Variants in DISP3 observed in about 807,000 individuals in gnomAD.
DISP3 encodes protein dispatched homolog 3.
DISP3 carries 101 observed loss-of-function variants against 135.3 expected under a neutral mutation model. The ratio of observed to expected loss-of-function variants is 0.75; its 90% confidence interval spans 0.64 to 0.88. The LOEUF is 0.88. Among genes scored for constraint, DISP3 ranks in the 40% least tolerant of loss-of-function variants. The pLI, the probability that DISP3 is intolerant of heterozygous loss-of-function variation, is 0.00. For missense variants in DISP3, 1,713 were observed against 1,878.6 expected (o/e 0.91, Z 1.63); for synonymous variants, 856 against 817.0 (o/e 1.05, Z -0.81).
chr1:11,495,347 C>T (rs11121759), intron 1 of DISP3, among the ~76,000 whole-genome samples: 73,453 of 151,950 alleles, frequency 0.48, 19,685 homozygotes, highest in East Asian at 0.73. Context: ...GCTGAGATCG[C>T]ACCATTGCAC....
chr1:11,517,443 C>G lies in DISP3; in HGVS notation c.1750-20C>G. 6.2e-7 allele frequency: 1 copy of G among 1,613,408 alleles called. No individual in the cohort carries two copies. Among genetic ancestry groups the G allele is most frequent in the African/African-American group, 1.3e-5 (1 of 75,064 alleles). ...CAGGTCCAACCTGTCCCACATCCCT[C>G]TCTTCCTTTCCATCACCAGATCCCA... is the stretch of plus-strand genomic sequence containing the variant. On this transcript the variant is annotated intron_variant, in intron 6 of 20. Transcript: ENST00000294484.
rs1477833416 is a variant in DISP3 at position 11,499,725 on chromosome 1, TTCGG to T, written c.-3-1262_-3-1259del. ...TCATCCCCCACCATTCCACTCTCCC[TTCGG>T]TCTCTCTCCTCTTTTCCTCTGTCTC... On this transcript the variant is annotated intron_variant, in intron 1 of 20. Transcript: ENST00000294484. The surrounding 1 kb of genome is among the most constrained non-coding windows in gnomAD (Gnocchi z 5.2). 6.9e-6 allele frequency among the ~76,000 whole-genome samples: 1 copy of T among 144,870 alleles called. No homozygotes were observed. Among genetic ancestry groups the T allele is most frequent in the African/African-American group, 2.8e-5 (1 of 35,620 alleles).
intron 15 of DISP3, 150 bp downstream of exon 15, chr1:11,530,109 C>T: frequency 1.8e-6 from 2 of 1,101,260 alleles, no homozygotes; most frequent in Admixed American, 5.8e-5. Flanking sequence ...CTATGGGCCC[C>T]TGGGGGTCCG....
chr1:11,522,904 GCCCAGCCAGGACCCAGCAAGGA>G (rs1642281496), intron 10 of DISP3, among the ~76,000 whole-genome samples: 28 of 24,002 alleles, frequency 1.2e-3, no homozygotes, highest in African/African-American at 3.1e-3. Flanking sequence ...CCCAGCCAGA[GCCCAGCCAGGACCCAGCAAGGA>G]CCCAGCCAGG....
chr1:11,536,294 C>A lies in DISP3; in HGVS notation c.3817-30C>A, dbSNP rs374219863. ...TGGCCAGAGGGGTCCCGCAGGCAGG[C>A]TGGGCTCCCAGCTCTCCTCTTGCCC... On this transcript the variant is annotated intron_variant, in intron 20 of 20. Coordinates refer to ENST00000294484, the MANE Select transcript of DISP3 (RefSeq NM_020780.2). This position sits in a 1 kb window ranked among gnomAD's most constrained non-coding sequence, Gnocchi z 4.3. The A allele has an allele frequency of 1.6e-5, 26 of 1,579,968 alleles. No individual in the cohort carries two copies. In the African/African-American group the frequency reaches 2.3e-4, roughly 14 times the overall value.
chr1:11,506,544 T>C (rs1452635941), intron 3 of DISP3, among the ~76,000 whole-genome samples: 3 of 152,210 alleles, frequency 2.0e-5, no homozygotes, highest in African/African-American at 7.2e-5. Flanking sequence ...TTTAATGTTA[T>C]TGTTCGGTTT....
rs796562813 is a variant in DISP3, at chr1:11,491,766, C to T, written c.-3-9224C>T. Among the ~76,000 whole-genome samples, 18 of 152,222 alleles carry T rather than the reference C, an allele frequency of 1.2e-4. No homozygotes were observed. Among genetic ancestry groups the T allele is most frequent in the African/African-American group, 4.1e-4 (17 of 41,520 alleles). ...CTTTGGGGCAGAGAATAAGGGAGTC[C>T]GCTCCAGTTGACTTGGGGACCTGCC... On this transcript the variant is annotated intron_variant, in intron 1 of 20. Transcript: ENST00000294484. The surrounding 1 kb of genome is among the most constrained non-coding windows in gnomAD (Gnocchi z 4.3).
At position 11,520,621 on chromosome 1, in the gene DISP3, T is replaced by C. The variant is rs978692477; in HGVS notation, c.2201-66T>C. 1 of 1,549,098 alleles carries C rather than the reference T, an allele frequency of 6.5e-7. No homozygotes were observed. On this transcript the variant is annotated intron_variant, in intron 9 of 20. Coordinates refer to ENST00000294484, the MANE Select transcript of DISP3 (RefSeq NM_020780.2). The surrounding 1 kb of genome is among the most constrained non-coding windows in gnomAD (Gnocchi z 4.8). Reference sequence around the variant, plus strand: ...CCAGAGCAGTTGTCTCCCGGCACTTTGGAGCCCCACTGGGAACAGACCAGC... The same window carrying C: ...CCAGAGCAGTTGTCTCCCGGCACTTCGGAGCCCCACTGGGAACAGACCAGC...
intron 1 of DISP3, among the ~76,000 whole-genome samples, chr1:11,487,952 C>T (rs537205698): frequency 6.6e-6 from 1 of 152,312 alleles, no homozygotes; most frequent in Non-Finnish European, 1.5e-5. Flanking sequence ...GTGTCCTGGC[C>T]CTCTATCATG....
rs1296295741 is a variant in DISP3 at position 11,519,782 on chromosome 1, C to T, written c.2102C>T (p.Ser701Phe). The T allele has an allele frequency of 6.2e-7, 1 of 1,613,132 alleles. No homozygotes were observed. The highest frequency in any genetic ancestry group is 8.5e-7 in the Non-Finnish European group (1 of 1,180,014). ...TCCCCCGAGGGTCTGCAGCCAGCCTCCAACACGGGCAGCCGCGGCCATCTC... is the reference window on the plus strand; with the variant it reads ...TCCCCCGAGGGTCTGCAGCCAGCCTTCAACACGGGCAGCCGCGGCCATCTC... Reference protein sequence around the residue: ...SVSPEGLQPASNTGSRGHLIV... With the variant: ...SVSPEGLQPAFNTGSRGHLIV... The change falls in exon 9 of 21, where the codon TCC becomes TTC. Residue 701 changes from serine (S) to phenylalanine (F), a missense_variant. By Grantham distance (155) the Ser-to-Phe change is radical. Coordinates refer to ENST00000294484, the MANE Select transcript of DISP3 (RefSeq NM_020780.2). The surrounding 1 kb of genome is among the most constrained non-coding windows in gnomAD (Gnocchi z 4.3).
intron 1 of DISP3, among the ~76,000 whole-genome samples, chr1:11,496,121 T>TC (rs1641324639): frequency 6.6e-6 from 1 of 152,152 alleles, no homozygotes; most frequent in South Asian, 2.1e-4. Context: ...GTTTTTTTTT[T>TC]CTGTTATAAA....
rs980820393 is a variant in DISP3, at chr1:11,537,358, G to A, written c.*672G>A. On this transcript the variant is annotated 3_prime_UTR_variant, in exon 21 of 21. Coordinates refer to ENST00000294484, the MANE Select transcript of DISP3 (RefSeq NM_020780.2). ...TCTGCATGTCCTACCCCTGACCCCA[G>A]CCTCAAGGGGCCCCTCAAAGGCCCT... 10 of 152,262 alleles carry A rather than the reference G, an allele frequency of 6.6e-5. No individual in the cohort carries two copies. Among genetic ancestry groups the A allele is most frequent in the African/African-American group, 2.4e-4 (10 of 41,578 alleles). 9.4% of individuals were successfully genotyped at this position (152,262 alleles called of 1,614,324 possible).
rs1160140767 is a variant in DISP3, at chr1:11,501,117, G to A, written c.125G>A (p.Gly42Glu). 6.2e-7 allele frequency: 1 copy of A among 1,613,998 alleles called. No individual in the cohort carries two copies. Among genetic ancestry groups the A allele is most frequent in the Admixed American group, 1.7e-5 (1 of 60,026 alleles). Residue 42 changes from glycine to glutamate, a missense_variant, in exon 2 of 21, where the codon GGA (glycine) becomes GAA (glutamate). Gly to Glu is a moderately conservative substitution (Grantham distance 98). Coordinates refer to ENST00000294484, the MANE Select transcript of DISP3 (RefSeq NM_020780.2). The surrounding 1 kb of genome is among the most constrained non-coding windows in gnomAD (Gnocchi z 4.9). ...QKPGPQPGAG[G>E]QCCWRHWPLA... is the part of the protein sequence containing the mutation. ...CCAGGGCCCCAACCTGGGGCAGGGG[G>A]ACAGTGTTGCTGGCGGCACTGGCCC...
rs139861155 is a variant in DISP3, at chr1:11,520,167, G to A, written c.2200+287G>A. Among the ~76,000 whole-genome samples the A allele has an allele frequency of 2.6e-4, 40 of 152,144 alleles. No individual in the cohort carries two copies. Among genetic ancestry groups the A allele is most frequent in the Admixed American group, 5.2e-4 (8 of 15,296 alleles). On this transcript the variant is annotated intron_variant, in intron 9 of 20. Coordinates refer to ENST00000294484, the MANE Select transcript of DISP3 (RefSeq NM_020780.2). This position sits in a 1 kb window ranked among gnomAD's most constrained non-coding sequence, Gnocchi z 4.8. ...CTTGAGTCTGAGTCCCAGTTTGGCC[G>A]CGTCCTAGCTGTGTGAATTTGGCTA...
Position 11,519,349 on chromosome 1 carries a change from C to T in DISP3, c.1890-6C>T, listed in dbSNP as rs1642104499. The T allele has an allele frequency of 6.2e-7, 1 of 1,613,504 alleles. No individual in the cohort carries two copies. The highest frequency in any genetic ancestry group is 8.5e-7 in the Non-Finnish European group (1 of 1,179,850). ...GGTTCACCCCTGTCCCCTACTCTCTCCACAGCTGCCACCAGAATTGCAGCC... is the reference window on the plus strand; with the variant it reads ...GGTTCACCCCTGTCCCCTACTCTCTTCACAGCTGCCACCAGAATTGCAGCC... On this transcript the variant is annotated splice_polypyrimidine_tract_variant and splice_region_variant and intron_variant, in intron 7 of 20. Coordinates refer to ENST00000294484, the MANE Select transcript of DISP3 (RefSeq NM_020780.2). The surrounding 1 kb of genome is among the most constrained non-coding windows in gnomAD (Gnocchi z 4.3).
In DISP3 at chr1:11,531,659, AGTGG is replaced by A; in HGVS notation, c.3326_3329del (p.Val1109AlafsTer69). The A allele has an allele frequency of 6.2e-7, 1 of 1,612,872 alleles. No homozygotes were observed. The highest frequency in any genetic ancestry group is 8.5e-7 in the Non-Finnish European group (1 of 1,179,664). On this transcript the variant is annotated frameshift_variant, in exon 17 of 21. Coordinates refer to ENST00000294484, the MANE Select transcript of DISP3 (RefSeq NM_020780.2). LOFTEE classifies it high-confidence loss of function. This position sits in a 1 kb window ranked among gnomAD's most constrained non-coding sequence, Gnocchi z 5.2. ...TCCCGGGGCAGCTGTCCCACGGGGC[AGTGG>A]GCGTCAGGGAGGGCCGCGTGCAGTG... is the stretch of plus-strand genomic sequence containing the variant.
chr1:11,519,704 G>A lies in DISP3; in HGVS notation c.2039-15G>A. On this transcript the variant is annotated splice_polypyrimidine_tract_variant and intron_variant, in intron 8 of 20. Transcript: ENST00000294484. The surrounding 1 kb of genome is among the most constrained non-coding windows in gnomAD (Gnocchi z 4.3). ...TTGATTCAGGCTCTGACGGGCCACT[G>A]CTCTGCCCTGGCAGTGTCACTGGAG... 6.2e-7 allele frequency: 1 copy of A among 1,610,734 alleles called. No individual in the cohort carries two copies. Among genetic ancestry groups the A allele is most frequent in the Non-Finnish European group, 8.5e-7 (1 of 1,178,982 alleles).
chr1:11,534,366 C>T lies in DISP3; in HGVS notation c.3376-15C>T. On this transcript the variant is annotated splice_polypyrimidine_tract_variant and intron_variant, in intron 17 of 20. Transcript: ENST00000294484. ...AGTCCCTGCCTGTCTCACTAGCTCA[C>T]ATCTCTCCCCACAGACCACGTACAA... 5 of 1,614,166 alleles carry T rather than the reference C, an allele frequency of 3.1e-6. No individual in the cohort carries two copies. Among genetic ancestry groups the T allele is most frequent in the Non-Finnish European group, 4.2e-6 (5 of 1,179,988 alleles).
chr1:11,504,500 A>G (rs1641643432), intron 3 of DISP3, among the ~76,000 whole-genome samples: 1 of 152,226 alleles, frequency 6.6e-6, no homozygotes, highest in Non-Finnish European at 1.5e-5. Flanking sequence ...TGGTTTGGAT[A>G]TGCTTTGTCC....
Sources: allele counts gnomAD v4.1 joint callset (sites outside exome capture counted in the v4.1 genomes callset), GRCh38; gene constraint gnomAD v4.1.1; non-coding constraint Gnocchi (gnomAD v3.1); transcripts MANE v1.5; gene names NCBI Gene and HGNC (gene_info 2026-07-23, HGNC 2026-07-21).